The following JARID2 variants were observed in gnomAD, a reference collection of about 807,000 sequenced individuals.
JARID2 encodes jumonji and AT-rich interaction domain containing 2, also known as protein Jumonji.
In JARID2, 21 loss-of-function variants were observed where a neutral mutation model predicts 125.6. The ratio of observed to expected loss-of-function variants is 0.17; its 90% CI spans 0.12 to 0.24. JARID2 has a LOEUF of 0.24. Ranked by LOEUF, JARID2 falls within the 10% of genes least tolerant of loss-of-function variation. The pLI is 1.00. For missense variants in JARID2, 1,303 were observed against 1,639.6 expected (o/e 0.79, Z 3.55); for synonymous variants, 736 against 661.6 (o/e 1.11, Z -1.73).
At chr6:15,319,255 G>T (rs956130847) in intron 1 of JARID2, among the ~76,000 whole-genome samples, 4 of 152,138 alleles carry the variant, frequency 2.6e-5, no homozygotes, top group South Asian at 2.1e-4. Context: ...TTTGAAGTTG[G>T]TGGACCAATG....
intron 1 of JARID2, among the ~76,000 whole-genome samples, chr6:15,263,440 T>C (rs1032991636): frequency 7.2e-5 from 11 of 152,156 alleles, no homozygotes; most frequent in African/African-American, 2.4e-4. Context: ...TTTGAAAAAC[T>C]ACCCTTCGTA....
intron 3 of JARID2, among the ~76,000 whole-genome samples, chr6:15,444,701 G>A (rs999634534): frequency 8.7e-5 from 13 of 149,918 alleles, no homozygotes; most frequent in East Asian, 2.0e-4. Context: ...CAGCCATGCC[G>A]GTCATTTTGC....
chr6:15,417,692 T>A (rs1052045889), intron 3 of JARID2, among the ~76,000 whole-genome samples: 3 of 152,132 alleles, frequency 2.0e-5, no homozygotes, highest in Admixed American at 1.3e-4. Context: ...CAGTTAGCTG[T>A]GATCGTGCCA....
intron 1 of JARID2, among the ~76,000 whole-genome samples, chr6:15,355,069 T>C (rs1763553002): frequency 6.6e-6 from 1 of 152,178 alleles, no homozygotes; most frequent in African/African-American, 2.4e-5. Context: ...ATTGTGTGGA[T>C]TTGGTCACTG....
At chr6:15,313,013 G>A (rs969726216) in intron 1 of JARID2, among the ~76,000 whole-genome samples, 2 of 152,212 alleles carry the variant, frequency 1.3e-5, no homozygotes, top group African/African-American at 4.8e-5. Flanking sequence ...GCAGCCTCCA[G>A]TTTCAGAATA....
rs61333394 is a variant in JARID2, at chr6:15,304,303, T to TCCCCCCCCCCCCCCCCCCCCC, written c.45+57734_45+57735insCCCCCCCCCCCCCCCCCCCCC. On this transcript the variant is annotated intron_variant, in intron 1 of 17. Transcript: ENST00000341776. ...GTAGAGAATGGACATAATTTGCTGATCCCCCCCCCCCCCCCGCCCACCCAC... is the reference window on the plus strand; with the variant it reads ...GTAGAGAATGGACATAATTTGCTGATCCCCCCCCCCCCCCCCCCCCCCCCCCCCCCCCCCCCGCCCACCCAC... Among the ~76,000 whole-genome samples, 3 of 26,716 alleles carry TCCCCCCCCCCCCCCCCCCCCC rather than the reference T, an allele frequency of 1.1e-4. 1 individual carries two copies. Among genetic ancestry groups the TCCCCCCCCCCCCCCCCCCCCC allele is most frequent in the Non-Finnish European group, 1.5e-4 (2 of 13,762 alleles). 17.5% of individuals were successfully genotyped at this position (26,716 alleles called of 152,430 possible). A position where few individuals can be genotyped will look rare whatever the true frequency, so the allele number is the denominator to read the frequency against.
intron 1 of JARID2, among the ~76,000 whole-genome samples, chr6:15,259,781 A>G (rs919339521): frequency 6.6e-6 from 1 of 152,036 alleles, no homozygotes; most frequent in Non-Finnish European, 1.5e-5. Flanking sequence ...GGTTACTTTT[A>G]TATATTTATG....
intron 1 of JARID2, among the ~76,000 whole-genome samples, chr6:15,249,199 C>T (rs893492105): frequency 6.6e-6 from 1 of 152,198 alleles, no homozygotes; most frequent in Non-Finnish European, 1.5e-5. Flanking sequence ...GTTGGAGGAC[C>T]GCGTTGTGGA....
intron 1 of JARID2, among the ~76,000 whole-genome samples, chr6:15,289,797 G>A (rs1468321911): frequency 1.3e-5 from 2 of 152,304 alleles, no homozygotes; most frequent in East Asian, 3.9e-4. Context: ...AGTAAGCTGA[G>A]ATGGTGCCAC....
intron 1 of JARID2, among the ~76,000 whole-genome samples, chr6:15,283,018 G>T (rs1437428997): frequency 1.9e-4 from 28 of 151,248 alleles, no homozygotes; most frequent in African/African-American, 6.8e-4. Flanking sequence ...TCACTCTGTT[G>T]CCCAGGCTGG....
chr6:15,463,202 C>A (rs80081385), intron 4 of JARID2, among the ~76,000 whole-genome samples: 18 of 152,096 alleles, frequency 1.2e-4, no homozygotes, highest in Non-Finnish European at 2.2e-4. Flanking sequence ...TTCCCCTGCT[C>A]CCCCTGAAAA....
rs548622579 is a variant in JARID2 at position 15,460,056 on chromosome 6, C to T, written c.493+7881C>T. On this transcript the variant is annotated intron_variant, in intron 4 of 17. Transcript: ENST00000341776. ...AGTAGTGAAAGTGTATGTTTGAGAA[C>T]GGTGTCATCACTGCCTAGGGGCTTT... Among the ~76,000 whole-genome samples the T allele has an allele frequency of 3.3e-4, 51 of 152,268 alleles. 1 individual carries two copies. The South Asian group carries it at 7.0e-3, about 21-fold the overall frequency.
At chr6:15,350,730 G>GTT (rs538674872) in intron 1 of JARID2, among the ~76,000 whole-genome samples, 3,414 of 130,354 alleles carry the variant, frequency 0.026, 133 homozygotes, top group African/African-American at 0.08. Context: ...ATAGTTTAAG[G>GTT]TTTTTTTTTT....
intron 3 of JARID2, among the ~76,000 whole-genome samples, chr6:15,415,388 C>T (rs1328641682): frequency 6.6e-6 from 1 of 151,628 alleles, no homozygotes. Flanking sequence ...CCTGTAGGGG[C>T]GGCCGGGCAG....
chr6:15,327,719 A>G (rs1164527370), intron 1 of JARID2, among the ~76,000 whole-genome samples: 1 of 152,184 alleles, frequency 6.6e-6, no homozygotes, highest in African/African-American at 2.4e-5. Context: ...AACTATAGAA[A>G]TTTGGTTCTA....
At position 15,393,428 on chromosome 6, in the gene JARID2, A is replaced by G. The variant is rs1315648952; in HGVS notation, c.182-16796A>G. Among the ~76,000 whole-genome samples, 3 of 152,194 alleles carry G rather than the reference A, an allele frequency of 2.0e-5. No individual in the cohort carries two copies. In the East Asian group the frequency reaches 5.8e-4, roughly 29 times the overall value. ...TTGGTAGCTCCATCTCATTTCCATC[A>G]TTGAGTAATTCTCTTGTGATTGACT... On this transcript the variant is annotated intron_variant, in intron 2 of 17. Coordinates refer to ENST00000341776, the MANE Select transcript of JARID2 (RefSeq NM_004973.4).
At chr6:15,309,218 C>T (rs1336580962) in intron 1 of JARID2, among the ~76,000 whole-genome samples, 1 of 152,180 alleles carries the variant, frequency 6.6e-6, no homozygotes, top group African/African-American at 2.4e-5. Context: ...TGTTCATCAT[C>T]TTTGGGCTTA....
At chr6:15,509,528 T>C (rs1403920091) in intron 12 of JARID2, among the ~76,000 whole-genome samples, 1 of 150,772 alleles carries the variant, frequency 6.6e-6, no homozygotes, top group African/African-American at 2.4e-5. Context: ...TCCAGAGTGA[T>C]GGGCCCGGGA....
At chr6:15,357,912 C>T (rs1763659919) in intron 1 of JARID2, among the ~76,000 whole-genome samples, 1 of 152,144 alleles carries the variant, frequency 6.6e-6, no homozygotes, top group Non-Finnish European at 1.5e-5. Context: ...ACAAGCAATT[C>T]CACCGTCTTC....
Sources: allele counts gnomAD v4.1 joint callset (sites outside exome capture counted in the v4.1 genomes callset), GRCh38; gene constraint gnomAD v4.1.1; transcripts MANE v1.5; gene names NCBI Gene and HGNC (gene_info 2026-07-23, HGNC 2026-07-21).